Variants in CPLX1 observed in about 807,000 individuals in gnomAD.
The protein encoded by CPLX1 is complexin-1.
In CPLX1, 6 loss-of-function variants were observed where a neutral mutation model predicts 15.6. The observed-to-expected ratio is 0.39, with a 90% CI of 0.21 to 0.76. The LOEUF is 0.76. CPLX1 is among the 30% of genes least tolerant of loss of function. The probability of loss-of-function intolerance (pLI) is 0.43; values close to 1 mark genes in which losing one functional copy is unlikely to be tolerated. For synonymous variants in CPLX1, 91 were observed against 75.2 expected, an observed-to-expected ratio of 1.21 and a Z score of -1.08; for missense variants, 242 against 188.6, an observed-to-expected ratio of 1.28 and a Z score of -1.66.
intron 1 of CPLX1, among the ~76,000 whole-genome samples, chr4:825,660 G>A (rs541822166): frequency 1.3e-5 from 2 of 151,894 alleles, no homozygotes; most frequent in Admixed American, 6.5e-5. Context: ...AAGCGAGGAG[G>A]AGGCCGGGCG....
At position 786,838 on chromosome 4, in the gene CPLX1, G is replaced by T. The variant is rs1460092359; in HGVS notation, c.208-140C>A. The stretch of plus-strand genomic sequence containing the variant: ...CCCCACCAGGCACACAAGGACCCCA[G>T]AAGGAGAAGAGACCCCACCCCGGGG... On this transcript the variant is annotated intron_variant, in intron 3 of 3. Transcript: ENST00000304062. 3 of 1,389,460 alleles carry T rather than the reference G, an allele frequency of 2.2e-6. No homozygotes were observed. The African/African-American group carries it at 4.5e-5, about 21-fold the overall frequency. The allele number at this position is 1,389,460 out of a possible 1,614,324, so 86.1% of individuals were successfully genotyped here.
intron 2 of CPLX1, among the ~76,000 whole-genome samples, chr4:817,852 C>A (rs900563523): frequency 6.6e-6 from 1 of 152,124 alleles, no homozygotes; most frequent in Admixed American, 6.5e-5. Flanking sequence ...TTCCCACCAG[C>A]CGTGAGGGGA....
chr4:822,481 C>A (rs551349376), intron 2 of CPLX1, among the ~76,000 whole-genome samples: 4 of 152,134 alleles, frequency 2.6e-5, no homozygotes, highest in African/African-American at 7.2e-5. Flanking sequence ...TGTCCCTGTG[C>A]GTGCTGAATA....
At chr4:796,893 TGG>T (rs1746352937) in intron 2 of CPLX1, among the ~76,000 whole-genome samples, 1 of 152,100 alleles carries the variant, frequency 6.6e-6, no homozygotes, top group Non-Finnish European at 1.5e-5. Context: ...AGAATGATGA[TGG>T]TGCAGTGGGA....
Position 786,403 on chromosome 4 carries a change from G to C in CPLX1, c.*98C>G. On this transcript the variant is annotated 3_prime_UTR_variant, in exon 4 of 4. Coordinates refer to ENST00000304062, the MANE Select transcript of CPLX1 (RefSeq NM_006651.4). ...CGGGCCTGGGGCTATGGCTTATATC[G>C]GCGTGGGGGCTGCGCTCTGCTCGTC... 1 of 1,355,172 alleles carries C rather than the reference G, an allele frequency of 7.4e-7. No homozygotes were observed. Among genetic ancestry groups the C allele is most frequent in the South Asian group, 1.5e-5 (1 of 66,444 alleles). The allele number at this position is 1,355,172 out of a possible 1,614,324, so 83.9% of individuals were successfully genotyped here.
chr4:788,171 T>C, intron 3 of CPLX1: 1 of 985,188 alleles, frequency 1.0e-6, no homozygotes, highest in Non-Finnish European at 1.2e-6. Flanking sequence ...CAGCAGCCCC[T>C]CCCCATAGAA....
chr4:805,435 AT>A (rs1746539938), intron 2 of CPLX1, among the ~76,000 whole-genome samples: 1 of 152,208 alleles, frequency 6.6e-6, no homozygotes, highest in Non-Finnish European at 1.5e-5. Context: ...GACGGCTGTT[AT>A]CAAAAACCAG....
chr4:787,338 C>T (rs1746028973), intron 3 of CPLX1: 1 of 985,440 alleles, frequency 1.0e-6, no homozygotes, highest in Non-Finnish European at 1.2e-6. Context: ...ACCCCCTGCC[C>T]ACCCGCGTTT....
At chr4:790,919 T>C (rs1418909653) in intron 3 of CPLX1, among the ~76,000 whole-genome samples, 1 of 143,492 alleles carries the variant, frequency 7.0e-6, no homozygotes, top group African/African-American at 2.6e-5. Flanking sequence ...CTCTCCCCTC[T>C]CTCTTTCCCT....
At chr4:794,911 G>A (rs1310137747) in intron 2 of CPLX1, among the ~76,000 whole-genome samples, 5 of 152,192 alleles carry the variant, frequency 3.3e-5, no homozygotes, top group Admixed American at 2.0e-4. Context: ...TAGAGCACCA[G>A]GTGTGCTGCG....
chr4:804,896 C>T (rs1577477683), intron 2 of CPLX1: 1 of 985,406 alleles, frequency 1.0e-6, no homozygotes, highest in East Asian at 1.1e-4. Context: ...GGAACGCAGG[C>T]GGCAGCCATT....
At chr4:814,416 T>C (rs1353441165) in intron 2 of CPLX1, among the ~76,000 whole-genome samples, 1 of 152,150 alleles carries the variant, frequency 6.6e-6, no homozygotes, top group Non-Finnish European at 1.5e-5. Flanking sequence ...TTTCACCATG[T>C]TGGCCAGGCT....
In CPLX1 at chr4:786,604, A is replaced by T; in HGVS notation, c.302T>A (p.Ile101Asn). Residue 101 changes from isoleucine (I) to asparagine (N), a missense_variant, in exon 4 of 4, where the codon ATC becomes AAC. By Grantham distance (149) the Ile-to-Asn change is moderately radical (BLOSUM62 -3). Transcript: ENST00000304062. ...EGSLTRPKKA[I>N]PPGCGDEVEE... ...CACCTCGTCCCCGCAGCCCGGCGGG[A>T]TGGCCTTCTTGGGCCGCGTCAAGCT... 1 of 1,612,076 alleles carries T rather than the reference A, an allele frequency of 6.2e-7. No homozygotes were observed. The highest frequency in any genetic ancestry group is 8.5e-7 in the Non-Finnish European group (1 of 1,179,316).
At chr4:823,479 T>C (rs1746911529) in intron 2 of CPLX1, among the ~76,000 whole-genome samples, 1 of 152,198 alleles carries the variant, frequency 6.6e-6, no homozygotes, top group South Asian at 2.1e-4. Flanking sequence ...CCAGGAGGCC[T>C]GACTCACTCC....
At chr4:823,134 CTAAT>C (rs1286276022) in intron 2 of CPLX1, among the ~76,000 whole-genome samples, 1 of 152,206 alleles carries the variant, frequency 6.6e-6, no homozygotes, top group Non-Finnish European at 1.5e-5. Context: ...AATTAGCCAA[CTAAT>C]TAATTATCCG....
chr4:819,971 C>T lies in CPLX1; in HGVS notation c.31+4521G>A, dbSNP rs1175158154. Among the ~76,000 whole-genome samples, 3 of 152,230 alleles carry T rather than the reference C, an allele frequency of 2.0e-5. No individual in the cohort carries two copies. In the East Asian group the frequency reaches 5.8e-4, roughly 29 times the overall value. ...TGAGCAGCTGGGCCACCTCCTGACA[C>T]ATCGTCACCCCAATTCAAGCTCCTC... On this transcript the variant is annotated intron_variant, in intron 2 of 3. Transcript: ENST00000304062.
intron 3 of CPLX1, chr4:787,342 C>A (rs1746029040): frequency 2.5e-5 from 25 of 985,436 alleles, no homozygotes; most frequent in Non-Finnish European, 3.0e-5. Context: ...CCTGCCCACC[C>A]GCGTTTCTCA....
chr4:809,255 T>A (rs1300748026), intron 2 of CPLX1, among the ~76,000 whole-genome samples: 2 of 152,222 alleles, frequency 1.3e-5, no homozygotes, highest in East Asian at 3.8e-4. Flanking sequence ...CTATAGACAG[T>A]GGAACGGTGA....
chr4:797,111 A>C (rs1378975780), intron 2 of CPLX1, among the ~76,000 whole-genome samples: 1 of 152,242 alleles, frequency 6.6e-6, no homozygotes, highest in Non-Finnish European at 1.5e-5. Context: ...TGATTGTAGA[A>C]CTAAACATGA....
Sources: gnomAD v4.1 joint callset for allele counts (sites outside exome capture counted in the v4.1 genomes callset) on GRCh38, gnomAD v4.1.1 for gene constraint, MANE v1.5 for transcripts, NCBI Gene and HGNC (gene_info 2026-07-23, HGNC 2026-07-21) for gene names.